The following PBX1 variants were observed in gnomAD, a reference collection of about 807,000 sequenced individuals.
The protein encoded by PBX1 is PBX homeobox 1.
PBX1 carries 6 observed loss-of-function variants against 53.4 expected under a neutral mutation model. That is an observed-to-expected ratio of 0.11 (90% CI 0.06 to 0.22). The LOEUF (loss-of-function observed/expected upper bound fraction) is 0.22, where lower values mean the gene tolerates loss of function less well. Ranked by LOEUF, PBX1 falls within the 10% of genes least tolerant of loss-of-function variation. The pLI is 1.00. For missense variants in PBX1, 251 were observed against 551.4 expected, an observed-to-expected ratio of 0.46 and a Z score of 5.46; for synonymous variants, 204 against 212.3, an observed-to-expected ratio of 0.96 and a Z score of 0.34.
At position 164,673,412 on chromosome 1, in the gene PBX1, C is replaced by A. The variant is rs993754730; in HGVS notation, c.265+110101C>A. Reference sequence around the variant, plus strand: ...AGCTTCAGGGGCCACCACGTCTCTCCGCTTTCATCAGCCCAACCTCTCTGG... The same window carrying A: ...AGCTTCAGGGGCCACCACGTCTCTCAGCTTTCATCAGCCCAACCTCTCTGG... On this transcript the variant is annotated intron_variant, in intron 2 of 8. Coordinates refer to ENST00000420696, the MANE Select transcript of PBX1 (RefSeq NM_002585.4). 1.3e-5 allele frequency among the ~76,000 whole-genome samples: 2 copies of A among 151,484 alleles called. 1 individual carries two copies. The highest frequency in any genetic ancestry group is 4.9e-5 in the African/African-American group (2 of 41,064).
intron 8 of PBX1, among the ~76,000 whole-genome samples, chr1:164,835,239 G>GTTTTTTTTTTT (rs71670294): frequency 1.5e-5 from 2 of 136,118 alleles, no homozygotes. Flanking sequence ...TTTGATTTTG[G>GTTTTTTTTTTT]TTTTTTTTTT....
intron 2 of PBX1, among the ~76,000 whole-genome samples, chr1:164,611,703 A>G (rs188419613): frequency 2.6e-5 from 4 of 152,276 alleles, no homozygotes; most frequent in African/African-American, 9.6e-5. Flanking sequence ...GGGAATAAAA[A>G]TTACTTAGCT....
intron 5 of PBX1, among the ~76,000 whole-genome samples, chr1:164,811,003 C>T (rs372740087): frequency 1.1e-4 from 16 of 152,158 alleles, no homozygotes; most frequent in Non-Finnish European, 5.9e-5. Flanking sequence ...CTTTATCTGC[C>T]GTCGTTGGGA....
rs1328835049 is a variant in PBX1 at position 164,847,158 on chromosome 1, T to G, written c.*482T>G. ...AGGCAATCCTTCTCTGTTTCTCTTATTACTCTCACTACCTCTTAGCAGGAA... is the reference window on the plus strand; with the variant it reads ...AGGCAATCCTTCTCTGTTTCTCTTAGTACTCTCACTACCTCTTAGCAGGAA... On this transcript the variant is annotated 3_prime_UTR_variant, in exon 9 of 9. Coordinates refer to ENST00000420696, the MANE Select transcript of PBX1 (RefSeq NM_002585.4). The G allele has an allele frequency of 1.7e-5, 19 of 1,088,736 alleles. No individual in the cohort carries two copies. The highest frequency in any genetic ancestry group is 2.1e-5 in the Non-Finnish European group (19 of 891,152). The allele number at this position is 1,088,736 out of a possible 1,614,324, so 67.4% of individuals were successfully genotyped here. A position where few individuals can be genotyped will look rare whatever the true frequency, so the allele number is the denominator to read the frequency against.
Position 164,701,353 on chromosome 1 carries a change from A to G in PBX1, c.266-91141A>G, listed in dbSNP as rs533780362. On this transcript the variant is annotated intron_variant, in intron 2 of 8. Transcript: ENST00000420696. Reference sequence around the variant, plus strand: ...TATGGATATGCCTGAGGCCTGGGCAAGTCAGGGCAGTGCCACTCCAGTTTC... The same window carrying G: ...TATGGATATGCCTGAGGCCTGGGCAGGTCAGGGCAGTGCCACTCCAGTTTC... 3.3e-5 allele frequency among the ~76,000 whole-genome samples: 5 copies of G among 152,348 alleles called. No individual in the cohort carries two copies. The East Asian group carries it at 9.7e-4, about 29-fold the overall frequency.
At chr1:164,834,029 ATGTGTGTGTG>A (rs35739146) in intron 8 of PBX1, among the ~76,000 whole-genome samples, 164 of 128,278 alleles carry the variant, frequency 1.3e-3, no homozygotes, top group African/African-American at 3.5e-3. Context: ...ATATATGTAT[ATGTGTGTGTG>A]TGTGTGTGTG....
intron 2 of PBX1, among the ~76,000 whole-genome samples, chr1:164,756,014 AAG>A (rs1491041651): frequency 8.6e-4 from 130 of 151,008 alleles, no homozygotes; most frequent in African/African-American, 3.0e-3. Flanking sequence ...AAAAAAAAAA[AAG>A]AAAGAAAAAA....
intron 2 of PBX1, among the ~76,000 whole-genome samples, chr1:164,669,526 A>T (rs772384090): frequency 6.6e-6 from 1 of 152,052 alleles, no homozygotes; most frequent in Admixed American, 6.5e-5. Context: ...TTTTCCTTCT[A>T]CTTCCAGGAA....
In PBX1 at chr1:164,847,897, C is replaced by T; in HGVS notation, c.*1221C>T. ...GTTTCCAGTGTAAACTACTCTTGTT[C>T]CCACCACCTCTGGAGCACTCAGGGA... On this transcript the variant is annotated 3_prime_UTR_variant, in exon 9 of 9. Transcript: ENST00000420696. 1 of 1,054,692 alleles carries T rather than the reference C, an allele frequency of 9.5e-7. No individual in the cohort carries two copies. Among genetic ancestry groups the T allele is most frequent in the Non-Finnish European group, 1.1e-6 (1 of 872,524 alleles). The allele number at this position is 1,054,692 out of a possible 1,614,324, so 65.3% of individuals were successfully genotyped here.
At chr1:164,804,670 T>C (rs1471049618) in intron 4 of PBX1, among the ~76,000 whole-genome samples, 1 of 152,122 alleles carries the variant, frequency 6.6e-6, no homozygotes, top group Admixed American at 6.6e-5. Context: ...GCAATTAGAA[T>C]GAAACAGAAG....
chr1:164,654,992 G>A (rs1378217399), intron 2 of PBX1, among the ~76,000 whole-genome samples: 1 of 152,088 alleles, frequency 6.6e-6, no homozygotes, highest in African/African-American at 2.4e-5. Context: ...CTTGGGTCAA[G>A]GATGGCACGC....
intron 2 of PBX1, among the ~76,000 whole-genome samples, chr1:164,628,169 T>C (rs1658168404): frequency 6.6e-6 from 1 of 152,220 alleles, no homozygotes; most frequent in East Asian, 1.9e-4. Context: ...CAAAAAAGTT[T>C]TAAAAATTTT....
chr1:164,813,845 T>G (rs1291130086), intron 6 of PBX1: 2 of 152,220 alleles, frequency 1.3e-5, no homozygotes, highest in Non-Finnish European at 2.9e-5. Context: ...AACCCTCTAT[T>G]CTGTGTTTAA....
chr1:164,600,589 CTT>C (rs1261900569), intron 2 of PBX1, among the ~76,000 whole-genome samples: 3 of 152,200 alleles, frequency 2.0e-5, no homozygotes, highest in Non-Finnish European at 2.9e-5. Flanking sequence ...CATTCCCTCT[CTT>C]GCCACAAAAG....
intron 2 of PBX1, among the ~76,000 whole-genome samples, chr1:164,737,920 A>G (rs1438090777): frequency 1.3e-5 from 2 of 152,100 alleles, no homozygotes; most frequent in African/African-American, 4.8e-5. Context: ...CCTGGCACCC[A>G]CTGATCTGCT....
intron 2 of PBX1, among the ~76,000 whole-genome samples, chr1:164,863,317 G>A (rs1672140964): frequency 6.6e-6 from 1 of 152,204 alleles, no homozygotes; most frequent in African/African-American, 2.4e-5. Context: ...CTGAGGTGGG[G>A]GCTCAGTGAT....
At chr1:164,871,175 C>T (rs1186190659) in intron 2 of PBX1, among the ~76,000 whole-genome samples, 1 of 152,194 alleles carries the variant, frequency 6.6e-6, no homozygotes, top group Non-Finnish European at 1.5e-5. Context: ...AAAATGTACT[C>T]ATAGGATTCA....
intron 2 of PBX1, among the ~76,000 whole-genome samples, chr1:164,857,716 G>A (rs368053108): frequency 6.6e-6 from 1 of 152,104 alleles, no homozygotes; most frequent in Non-Finnish European, 1.5e-5. Context: ...TCTGTACCAG[G>A]AACTGGGGAC....
chr1:164,575,983 G>T (rs1654204208), intron 2 of PBX1, among the ~76,000 whole-genome samples: 1 of 152,032 alleles, frequency 6.6e-6, no homozygotes, highest in Non-Finnish European at 1.5e-5. Flanking sequence ...GCCAATTAAG[G>T]AAGAATGGGA....
Sources: gnomAD v4.1 joint callset for allele counts (sites outside exome capture counted in the v4.1 genomes callset) on GRCh38, gnomAD v4.1.1 for gene constraint, MANE v1.5 for transcripts, NCBI Gene and HGNC (gene_info 2026-07-23, HGNC 2026-07-21) for gene names.